LRRC37A2: variants seen among roughly 807,000 people sequenced by gnomAD.
LRRC37A2 encodes leucine rich repeat containing 37 member A2, also known as leucine-rich repeat-containing protein 37A2.
LRRC37A2 carries 9 observed loss-of-function variants against 68.8 expected under a neutral mutation model. The observed-to-expected ratio is 0.13, with a 90% CI of 0.08 to 0.23. LRRC37A2 has a LOEUF of 0.23. Among genes scored for constraint, LRRC37A2 ranks in the 10% least tolerant of loss-of-function variants. The pLI, the probability that LRRC37A2 is intolerant of heterozygous loss-of-function variation, is 1.00. For synonymous variants in LRRC37A2, 63 were observed against 367.6 expected (o/e 0.17, Z 9.48); for missense variants, 168 against 950.4 (o/e 0.18, Z 10.82).
chr17:46,945,765 T>C, the LRRC37A2 span, among the ~76,000 whole-genome samples: 1 of 152,092 alleles, frequency 6.6e-6, no homozygotes, highest in Non-Finnish European at 1.5e-5. Flanking sequence ...AGGCAGAAGC[T>C]CAGGGAGTGG....
the LRRC37A2 span, chr17:46,929,544 C>T: frequency 3.2e-6 from 5 of 1,568,310 alleles, no homozygotes; most frequent in Non-Finnish European, 3.5e-6. Flanking sequence ...TCCAGTCTTG[C>T]ATGGGACGCC....
the LRRC37A2 span, among the ~76,000 whole-genome samples, chr17:46,810,211 T>C: frequency 1.3e-5 from 2 of 152,024 alleles, no homozygotes; most frequent in Non-Finnish European, 1.5e-5. Context: ...TTTCACCATG[T>C]TGGCCAAGCA....
At chr17:46,901,956 C>T in the LRRC37A2 span, among the ~76,000 whole-genome samples, 9 of 152,074 alleles carry the variant, frequency 5.9e-5, no homozygotes, top group South Asian at 2.1e-4. Context: ...TACAGGCGCC[C>T]GCCACTGTGC....
At chr17:46,710,529 G>A in the LRRC37A2 span, among the ~76,000 whole-genome samples, 8 of 152,122 alleles carry the variant, frequency 5.3e-5, no homozygotes, top group Non-Finnish European at 7.4e-5. Context: ...TTACCATTTC[G>A]TATTCTCATG....
chr17:46,821,388 C>A, the LRRC37A2 span, among the ~76,000 whole-genome samples: 2 of 152,236 alleles, frequency 1.3e-5, no homozygotes, highest in Admixed American at 1.3e-4. Context: ...TTTCCTTCCT[C>A]CTGCACCCCT....
chr17:47,019,378 C>T, the LRRC37A2 span: 122 of 1,610,678 alleles, frequency 7.6e-5, no homozygotes, highest in Non-Finnish European at 1.0e-4. Context: ...ACCATAACTA[C>T]AATACCTACT....
the LRRC37A2 span, chr17:46,930,961 TTAGTG>T: frequency 1.5e-6 from 1 of 665,688 alleles, no homozygotes; most frequent in African/African-American, 1.8e-5. Context: ...CTGTTATTCA[TTAGTG>T]TATACATTTT....
the LRRC37A2 span, chr17:46,941,550 C>A: frequency 3.3e-6 from 1 of 302,102 alleles, no homozygotes; most frequent in Non-Finnish European, 4.9e-6. Flanking sequence ...GAATTAGAAC[C>A]TTTTTTAAAT....
the LRRC37A2 span, chr17:46,721,463 A>G: frequency 3.0e-6 from 2 of 672,610 alleles, no homozygotes; most frequent in Non-Finnish European, 5.2e-6. Flanking sequence ...TTAAGACCCT[A>G]TATATGTATG....
chr17:46,754,566 A>G, the LRRC37A2 span, among the ~76,000 whole-genome samples: 25,337 of 152,208 alleles, frequency 0.17, 4,149 homozygotes, highest in East Asian at 0.6. Context: ...AGATAACTTC[A>G]TATCTCCTGT....
chr17:46,717,369 A>G, the LRRC37A2 span, among the ~76,000 whole-genome samples: 4 of 152,324 alleles, frequency 2.6e-5, no homozygotes, highest in East Asian at 7.7e-4. Flanking sequence ...AATACCATTA[A>G]ATAGAAGTAA....
At chr17:46,778,324 G>A in the LRRC37A2 span, among the ~76,000 whole-genome samples, 1 of 152,166 alleles carries the variant, frequency 6.6e-6, no homozygotes, top group Non-Finnish European at 1.5e-5. Flanking sequence ...AGGGTTCAAG[G>A]TCACTCAAAG....
the LRRC37A2 span, chr17:46,728,849 T>C: frequency 4.4e-6 from 7 of 1,592,662 alleles, no homozygotes; most frequent in Non-Finnish European, 8.6e-7. Context: ...AATGTTTCTT[T>C]TCCAGATTAC....
the LRRC37A2 span, among the ~76,000 whole-genome samples, chr17:46,896,438 GA>G: frequency 6.8e-5 from 7 of 102,834 alleles, no homozygotes; most frequent in African/African-American, 4.8e-4. Flanking sequence ...AAGAAAGAAA[GA>G]AAGAAAGAAA....
At chr17:46,980,666 C>CAAAAAAAAAAAAAAAAAAAAAAAA in the LRRC37A2 span, among the ~76,000 whole-genome samples, 18 of 83,880 alleles carry the variant, frequency 2.1e-4, no homozygotes, top group Admixed American at 6.5e-4. Context: ...ACTAAAAATA[C>CAAAAAAAAAAAAAAAAAAAAAAAA]AAAAAAAAAA....
the LRRC37A2 span, among the ~76,000 whole-genome samples, chr17:46,722,596 G>A: frequency 0.014 from 2,205 of 152,236 alleles, 48 homozygotes; most frequent in African/African-American, 0.051. Flanking sequence ...CCAACTCTGA[G>A]TATCTTCTTA....
chr17:47,025,504 A>T, the LRRC37A2 span, among the ~76,000 whole-genome samples: 4 of 152,228 alleles, frequency 2.6e-5, no homozygotes, highest in African/African-American at 9.6e-5. Context: ...ACAGATGTTT[A>T]AAATGATGGT....
At chr17:46,738,503 G>A in the LRRC37A2 span, among the ~76,000 whole-genome samples, 1 of 152,124 alleles carries the variant, frequency 6.6e-6, no homozygotes, top group Admixed American at 6.5e-5. Flanking sequence ...TAATGAATAA[G>A]GACCATCATA....
intron 8 of LRRC37A2, among the ~76,000 whole-genome samples, chr17:46,541,410 CCTGG>C (rs1403853729): frequency 2.0e-5 from 3 of 148,216 alleles, no homozygotes; most frequent in Non-Finnish European, 4.4e-5. Flanking sequence ...TGCCACCACA[CCTGG>C]CTAATTTTTG....
Sources: gnomAD v4.1 joint callset for allele counts (sites outside exome capture counted in the v4.1 genomes callset) on GRCh38, gnomAD v4.1.1 for gene constraint, MANE v1.5 for transcripts, NCBI Gene and HGNC (gene_info 2026-07-23, HGNC 2026-07-21) for gene names.